SLC35E3: variants seen among roughly 807,000 people sequenced by gnomAD.
SLC35E3 encodes the protein solute carrier family 35 member E3, also known as bladder cancer-overexpressed gene 1 protein.
A neutral mutation model predicts 30.8 loss-of-function variants in SLC35E3; 28 were observed. The ratio of observed to expected loss-of-function variants is 0.91; its 90% confidence interval spans 0.67 to 1.25. The LOEUF is 1.25. Ranked by LOEUF, SLC35E3 falls within the 50% of genes most tolerant of loss-of-function variation. The probability of loss-of-function intolerance (pLI) is 0.00; values close to 1 mark genes in which losing one functional copy is unlikely to be tolerated. For missense variants in SLC35E3, 365 were observed against 375.4 expected (o/e 0.97, Z 0.23); for synonymous variants, 146 against 149.2 (o/e 0.98, Z 0.16).
At chr12:68,753,140 G>A (rs985851935) in intron 3 of SLC35E3, among the ~76,000 whole-genome samples, 5 of 150,370 alleles carry the variant, frequency 3.3e-5, no homozygotes, top group African/African-American at 1.2e-4. Context: ...AATTAGCTAA[G>A]TGTGATGGCA....
chr12:68,759,290 AC>A (rs1879159751), intron 4 of SLC35E3, 51 bp downstream of exon 4: 3 of 1,320,454 alleles, frequency 2.3e-6, no homozygotes, highest in South Asian at 2.4e-5. Flanking sequence ...ATTTTCCAAA[AC>A]TTTTACATTC....
intron 2 of SLC35E3, among the ~76,000 whole-genome samples, chr12:68,751,251 A>C (rs553386060): frequency 6.1e-4 from 93 of 151,350 alleles, no homozygotes; most frequent in Admixed American, 2.6e-3. Context: ...AACCATCTCT[A>C]ACCTGCCCCC....
intron 4 of SLC35E3, among the ~76,000 whole-genome samples, chr12:68,763,712 G>GGT (rs934542087): frequency 6.6e-5 from 10 of 150,686 alleles, no homozygotes; most frequent in East Asian, 4.0e-4. Context: ...ATTTTTAAAT[G>GGT]GTGTGTGTGT....
intron 3 of SLC35E3, 118 bp downstream of exon 3, chr12:68,752,308 A>G: frequency 9.6e-7 from 1 of 1,043,546 alleles, no homozygotes; most frequent in Non-Finnish European, 1.4e-6. Flanking sequence ...TATCGTCATA[A>G]TCACCATAAA....
At chr12:68,755,790 G>T (rs1326086707) in intron 3 of SLC35E3, among the ~76,000 whole-genome samples, 2 of 152,138 alleles carry the variant, frequency 1.3e-5, no homozygotes, top group Non-Finnish European at 2.9e-5. Context: ...CCTGGGGAGG[G>T]CACCAAGCCA....
At chr12:68,759,335 A>C (rs1227896295) in intron 4 of SLC35E3, 96 bp downstream of exon 4, 2 of 846,968 alleles carry the variant, frequency 2.4e-6, no homozygotes, top group East Asian at 4.9e-5. Context: ...TAACTATTGC[A>C]TGGCCTAAAT....
chr12:68,746,641 G>A lies in SLC35E3; in HGVS notation c.264G>A (p.Val88=), dbSNP rs1278677136. 1 of 1,614,212 alleles carries A rather than the reference G, an allele frequency of 6.2e-7. No homozygotes were observed. The change falls in exon 1 of 5, where the codon GTG becomes GTA. Residue 88 remains valine (V), a synonymous_variant. Transcript: ENST00000398004. ...LLLALSFCGF[V]VFTNLSLQNN... is the part of the protein sequence containing the mutation. The stretch of plus-strand genomic sequence containing the variant: ...TGGCCCTCAGCTTCTGTGGCTTTGT[G>A]GTCTTCACTAACCTTTCTCTGCAGA...
chr12:68,779,717 G>T lies in SLC35E3; in HGVS notation c.*14827G>T, dbSNP rs1045692186. On this transcript the variant is annotated 3_prime_UTR_variant, in exon 5 of 5. Coordinates refer to ENST00000398004, the MANE Select transcript of SLC35E3 (RefSeq NM_018656.5). ...GTTTTGGGAGGCCAAGGCAGGAGGT[G>T]CACTTGAGGCCAGGAGTTCAAGACC... 2.0e-5 allele frequency: 3 copies of T among 152,164 alleles called. No individual in the cohort carries two copies. The highest frequency in any genetic ancestry group is 7.2e-5 in the African/African-American group (3 of 41,418). 9.4% of individuals were successfully genotyped at this position (152,164 alleles called of 1,614,324 possible). A position where few individuals can be genotyped will look rare whatever the true frequency, so the allele number is the denominator to read the frequency against.
rs1211773470 is a variant in SLC35E3 at position 68,771,997 on chromosome 12, T to C, written c.*7107T>C. 1 of 152,180 alleles carries C rather than the reference T, an allele frequency of 6.6e-6. No homozygotes were observed. The highest frequency in any genetic ancestry group is 1.5e-5 in the Non-Finnish European group (1 of 68,026). 9.4% of individuals were successfully genotyped at this position (152,180 alleles called of 1,614,324 possible). A position where few individuals can be genotyped will look rare whatever the true frequency, so the allele number is the denominator to read the frequency against. On this transcript the variant is annotated 3_prime_UTR_variant, in exon 5 of 5. Coordinates refer to ENST00000398004, the MANE Select transcript of SLC35E3 (RefSeq NM_018656.5). ...AATAAAAGTAGATTGAATAAATTAA[T>C]CAGAAGGGTTTGGTTTGTTTGACCT...
rs1034573291 is a variant in SLC35E3 at position 68,775,134 on chromosome 12, C to G, written c.*10244C>G. On this transcript the variant is annotated 3_prime_UTR_variant, in exon 5 of 5. Transcript: ENST00000398004. ...GTGCTGATATTACAGGCGTGAGCAA[C>G]CATGCCAGCCTGGCTTAGCCACTTT... 2 of 152,088 alleles carry G rather than the reference C, an allele frequency of 1.3e-5. No homozygotes were observed. The highest frequency in any genetic ancestry group is 4.8e-5 in the African/African-American group (2 of 41,410). 9.4% of individuals were successfully genotyped at this position (152,088 alleles called of 1,614,324 possible).
Position 68,779,959 on chromosome 12 carries a change from T to A in SLC35E3, c.*15069T>A, listed in dbSNP as rs1879839789. On this transcript the variant is annotated 3_prime_UTR_variant, in exon 5 of 5. Transcript: ENST00000398004. ...CTCTAAAAGTAAAATTAAATTAAAT[T>A]AAAAATAAGTGGATAAATATGGGTT... is the stretch of plus-strand genomic sequence containing the variant. 6.6e-6 allele frequency: 1 copy of A among 151,988 alleles called. No individual in the cohort carries two copies. The highest frequency in any genetic ancestry group is 1.5e-5 in the Non-Finnish European group (1 of 68,012). 9.4% of individuals were successfully genotyped at this position (151,988 alleles called of 1,614,324 possible).
At chr12:68,756,322 G>GAAAAAAAAAAAAA (rs1879002098) in intron 3 of SLC35E3, among the ~76,000 whole-genome samples, 1 of 134,810 alleles carries the variant, frequency 7.4e-6, no homozygotes. Flanking sequence ...AAAAAAAAAG[G>GAAAAAAAAAAAAA]CAAAGAAACC....
chr12:68,756,605 A>T (rs1879014725), intron 3 of SLC35E3, among the ~76,000 whole-genome samples: 1 of 152,186 alleles, frequency 6.6e-6, no homozygotes, highest in Admixed American at 6.6e-5. Context: ...TCAAAAAGAT[A>T]ATCCACCATG....
chr12:68,778,427 C>T lies in SLC35E3; in HGVS notation c.*13537C>T, dbSNP rs1290821396. On this transcript the variant is annotated 3_prime_UTR_variant, in exon 5 of 5. Transcript: ENST00000398004. The stretch of plus-strand genomic sequence containing the variant: ...TCAAGTACCTGAGGAATGTTTATAA[C>T]AGTAAAGATGAACAGAGATCATATT... The T allele has an allele frequency of 6.6e-6, 1 of 152,126 alleles. No individual in the cohort carries two copies. 9.4% of individuals were successfully genotyped at this position (152,126 alleles called of 1,614,324 possible).
At chr12:68,753,356 G>A (rs551332611) in intron 3 of SLC35E3, among the ~76,000 whole-genome samples, 2 of 152,032 alleles carry the variant, frequency 1.3e-5, no homozygotes, top group East Asian at 3.9e-4. Flanking sequence ...GGGAGGCTGG[G>A]GTGGGAGGAT....
chr12:68,754,440 T>C (rs966507534), intron 3 of SLC35E3, among the ~76,000 whole-genome samples: 6 of 152,042 alleles, frequency 3.9e-5, no homozygotes, highest in African/African-American at 7.2e-5. Flanking sequence ...TGCGCCACCA[T>C]GCCTGGCTAA....
intron 4 of SLC35E3, among the ~76,000 whole-genome samples, chr12:68,759,682 C>T (rs1352179353): frequency 6.7e-6 from 1 of 148,318 alleles, no homozygotes; most frequent in Non-Finnish European, 1.5e-5. Context: ...CCAGCCTGGG[C>T]AACAGAGCAA....
chr12:68,753,566 C>A (rs1878885340), intron 3 of SLC35E3, among the ~76,000 whole-genome samples: 1 of 152,020 alleles, frequency 6.6e-6, no homozygotes, highest in Non-Finnish European at 1.5e-5. Flanking sequence ...TTTCATGGAT[C>A]TCTTTTGTAT....
intron 4 of SLC35E3, among the ~76,000 whole-genome samples, chr12:68,761,233 T>C (rs577544782): frequency 3.9e-5 from 6 of 152,214 alleles, no homozygotes; most frequent in African/African-American, 1.4e-4. Flanking sequence ...AGAAGTAACA[T>C]GATTTTACAT....
Sources: gnomAD v4.1 joint callset for allele counts (sites outside exome capture counted in the v4.1 genomes callset) on GRCh38, gnomAD v4.1.1 for gene constraint, MANE v1.5 for transcripts, NCBI Gene and HGNC (gene_info 2026-07-23, HGNC 2026-07-21) for gene names.